Variants in TLN2 observed in about 807,000 individuals in gnomAD.
The protein encoded by TLN2 is talin 2.
In TLN2, 118 loss-of-function variants were observed where a neutral mutation model predicts 294.7. The ratio of observed to expected loss-of-function variants is 0.40; its 90% CI spans 0.34 to 0.47. The LOEUF (loss-of-function observed/expected upper bound fraction) is 0.47, where lower values mean the gene tolerates loss of function less well. Ranked by LOEUF, TLN2 falls within the 20% of genes least tolerant of loss-of-function variation. The pLI is 0.84. For missense variants in TLN2, 3,083 were observed against 3,282.2 expected (o/e 0.94, Z 1.48); for synonymous variants, 1,431 against 1,304.5 (o/e 1.10, Z -2.09).
intron 3 of TLN2, among the ~76,000 whole-genome samples, chr15:62,632,702 T>A (rs2050025244): frequency 6.6e-6 from 1 of 152,234 alleles, no homozygotes; most frequent in South Asian, 2.1e-4. Flanking sequence ...TAGATTGACC[T>A]GTATCCTTCC....
chr15:62,453,628 C>G (rs2036283613), intron 1 of TLN2: 1 of 152,174 alleles, frequency 6.6e-6, no homozygotes, highest in Non-Finnish European at 1.5e-5. Flanking sequence ...CCTCTTGTCC[C>G]TTCCTGTTTA....
intron 54 of TLN2, among the ~76,000 whole-genome samples, chr15:62,825,825 T>TTATATATTATAA (rs1491507979): frequency 7.4e-4 from 18 of 24,488 alleles, no homozygotes; most frequent in South Asian, 1.6e-3. Flanking sequence ...ATAATATATA[T>TTATATATTATAA]TATAATATAT....
intron 19 of TLN2, among the ~76,000 whole-genome samples, chr15:62,705,444 CA>C: frequency 6.6e-6 from 1 of 152,298 alleles, no homozygotes; most frequent in South Asian, 2.1e-4. Flanking sequence ...AAAATTTTGA[CA>C]AAGGCCTTGT....
At chr15:62,432,364 T>G (rs2035052767) in intron 1 of TLN2, among the ~76,000 whole-genome samples, 1 of 152,200 alleles carries the variant, frequency 6.6e-6, no homozygotes, top group African/African-American at 2.4e-5. Flanking sequence ...AAGTGCTGGC[T>G]TCTGGTGAGG....
chr15:62,442,450 C>T (rs187342360), intron 1 of TLN2, among the ~76,000 whole-genome samples: 4 of 138,032 alleles, frequency 2.9e-5, no homozygotes, highest in Admixed American at 1.6e-4. Flanking sequence ...GCCGAGACTA[C>T]GCAGTTGCAC....
intron 9 of TLN2, among the ~76,000 whole-genome samples, chr15:62,670,027 G>T (rs1440482303): frequency 3.3e-5 from 5 of 152,210 alleles, no homozygotes; most frequent in African/African-American, 1.2e-4. Flanking sequence ...GAGTTTGAAA[G>T]AAGGGCGCTT....
chr15:62,797,078 TA>T, intron 47 of TLN2, 140 bp from the exon 48 acceptor site: 1 of 853,042 alleles, frequency 1.2e-6, no homozygotes, highest in Non-Finnish European at 1.8e-6. Flanking sequence ...AGTCCGTTGG[TA>T]AAGGGAGGTG....
chr15:62,662,806 T>G (rs1227916877), intron 9 of TLN2, among the ~76,000 whole-genome samples: 2 of 148,274 alleles, frequency 1.3e-5, no homozygotes, highest in Non-Finnish European at 3.0e-5. Flanking sequence ...GTTGGTGTAT[T>G]TTAGGGATTG....
In TLN2 at chr15:62,809,943, G is replaced by A. The variant is rs765420945; in HGVS notation, c.6682G>A (p.Asp2228Asn). 1.9e-5 allele frequency: 30 copies of A among 1,613,926 alleles called. No individual in the cohort carries two copies. The highest frequency in any genetic ancestry group is 3.3e-5 in the Admixed American group (2 of 60,000). ...TACKQASFHP[D>N]VSDEVRTRAL... ...TCTCCAGCAAGCATCCTTCCACCCC[G>A]ATGTCAGTGACGAGGTGAGAACCAG... Residue 2228 changes from aspartate to asparagine, a missense_variant, in exon 52 of 59, where the codon GAT (aspartate) becomes AAT (asparagine). Coordinates refer to ENST00000636159, the MANE Select transcript of TLN2 (RefSeq NM_015059.3).
chr15:62,781,125 T>C lies in TLN2; in HGVS notation c.5515-15T>C. The C allele has an allele frequency of 1.9e-6, 3 of 1,605,510 alleles. No individual in the cohort carries two copies. The highest frequency in any genetic ancestry group is 1.7e-6 in the Non-Finnish European group (2 of 1,172,246). On this transcript the variant is annotated splice_polypyrimidine_tract_variant and intron_variant, in intron 43 of 58. Transcript: ENST00000636159. ...GCTTCTTATGACCTTTGGATTCTTTTCCTCTCCTCTGTAGCTGGATGAAGG... is the reference window on the plus strand; with the variant it reads ...GCTTCTTATGACCTTTGGATTCTTTCCCTCTCCTCTGTAGCTGGATGAAGG...
At position 62,422,182 on chromosome 15, in the gene TLN2, GCACTC is replaced by G. The variant is rs1228074425; in HGVS notation, c.-238+31500_-238+31504del. Among the ~76,000 whole-genome samples, 11 of 126,534 alleles carry G rather than the reference GCACTC, an allele frequency of 8.7e-5. No homozygotes were observed. In the Admixed American group the frequency reaches 1.1e-3, roughly 12 times the overall value. 83.0% of individuals were successfully genotyped at this position (126,534 alleles called of 152,430 possible). On this transcript the variant is annotated intron_variant, in intron 1 of 58. Coordinates refer to ENST00000636159, the MANE Select transcript of TLN2 (RefSeq NM_015059.3). The stretch of plus-strand genomic sequence containing the variant: ...GGCTGAGGCAGGAGAATCAGCCATT[GCACTC>G]CAGCCTGGGCAACAAGAGCAAAACT...
chr15:62,418,765 G>A (rs1447714821), intron 1 of TLN2, among the ~76,000 whole-genome samples: 1 of 152,184 alleles, frequency 6.6e-6, no homozygotes, highest in Non-Finnish European at 1.5e-5. Flanking sequence ...TCTCAAGGGT[G>A]GGGAGAATGA....
At chr15:62,622,498 G>A (rs2140862513) in intron 3 of TLN2, among the ~76,000 whole-genome samples, 1 of 152,194 alleles carries the variant, frequency 6.6e-6, no homozygotes, top group East Asian at 1.9e-4. Flanking sequence ...TTAAGCACTT[G>A]CCCCTTGATA....
intron 1 of TLN2, among the ~76,000 whole-genome samples, chr15:62,589,184 G>A (rs944593957): frequency 5.9e-5 from 9 of 152,034 alleles, no homozygotes; most frequent in Non-Finnish European, 1.0e-4. Context: ...TTCAAATTGG[G>A]TTTCCATGGA....
At chr15:62,534,516 C>T (rs2041228134) in intron 1 of TLN2, among the ~76,000 whole-genome samples, 1 of 152,198 alleles carries the variant, frequency 6.6e-6, no homozygotes, top group Non-Finnish European at 1.5e-5. Flanking sequence ...GCACCACCCT[C>T]CAAGAACCTG....
chr15:62,831,987 AGGTTTAGATTCT>A (rs937124407), intron 54 of TLN2: 3 of 152,070 alleles, frequency 2.0e-5, no homozygotes, highest in Non-Finnish European at 4.4e-5. Flanking sequence ...AGTCAGATTT[AGGTTTAGATTCT>A]GGTTTAGATG....
intron 28 of TLN2, among the ~76,000 whole-genome samples, chr15:62,728,251 C>A (rs976351648): frequency 6.6e-6 from 1 of 152,190 alleles, no homozygotes; most frequent in East Asian, 1.9e-4. Flanking sequence ...CCCCTCGTGC[C>A]TAGCTGCTTT....
chr15:62,577,523 T>C (rs1483529649), intron 1 of TLN2, among the ~76,000 whole-genome samples: 1 of 152,190 alleles, frequency 6.6e-6, no homozygotes, highest in East Asian at 1.9e-4. Context: ...TATTTGAATC[T>C]GATATATGAT....
At chr15:62,819,880 C>G (rs2067420006) in intron 53 of TLN2, among the ~76,000 whole-genome samples, 1 of 152,246 alleles carries the variant, frequency 6.6e-6, no homozygotes, top group Non-Finnish European at 1.5e-5. Flanking sequence ...AACCTACTCA[C>G]TTTCCTTGGA....
Sources: gnomAD v4.1 joint callset for allele counts (sites outside exome capture counted in the v4.1 genomes callset) on GRCh38, gnomAD v4.1.1 for gene constraint, MANE v1.5 for transcripts, NCBI Gene and HGNC (gene_info 2026-07-23, HGNC 2026-07-21) for gene names.